LAMC3: variants seen among roughly 807,000 people sequenced by gnomAD.
LAMC3 encodes the protein laminin subunit gamma-3.
In LAMC3, 128 loss-of-function variants were observed where a neutral mutation model predicts 173.8. The observed-to-expected ratio is 0.74, with a 90% CI of 0.64 to 0.85. LAMC3 has a LOEUF of 0.85. Among genes scored for constraint, LAMC3 ranks in the 40% least tolerant of loss-of-function variants. The pLI is 0.00. For missense variants in LAMC3, 2,022 were observed against 2,156.0 expected (o/e 0.94, Z 1.23); for synonymous variants, 897 against 909.1 (o/e 0.99, Z 0.24).
intron 12 of LAMC3, among the ~76,000 whole-genome samples, chr9:131,059,456 C>T (rs1162981658): frequency 1.4e-5 from 2 of 144,432 alleles, no homozygotes; most frequent in African/African-American, 2.6e-5. Flanking sequence ...CGCGCCACTG[C>T]ACTCCAGCCT....
chr9:131,094,312 G>A lies in LAMC3; in HGVS notation c.*2525G>A, dbSNP rs1830469579. The stretch of plus-strand genomic sequence containing the variant: ...TGAAGTCCCACCAACCCCCGTTCAG[G>A]ATAATGAGGATCTCTGGATCTAAGG... On this transcript the variant is annotated 3_prime_UTR_variant, in exon 28 of 28. Transcript: ENST00000361069. The A allele has an allele frequency of 6.6e-6, 1 of 152,242 alleles. No homozygotes were observed. 9.4% of individuals were successfully genotyped at this position (152,242 alleles called of 1,614,324 possible).
rs1833795497 is a variant in LAMC3, at chr9:131,029,935, T to A, written c.679-2110T>A. Among the ~76,000 whole-genome samples, 1 of 147,862 alleles carries A rather than the reference T, an allele frequency of 6.8e-6. No homozygotes were observed. Among genetic ancestry groups the A allele is most frequent in the Admixed American group, 6.9e-5 (1 of 14,560 alleles). On this transcript the variant is annotated intron_variant, in intron 2 of 27. Transcript: ENST00000361069. This position sits in a 1 kb window ranked among gnomAD's most constrained non-coding sequence, Gnocchi z 4.6. ...TGCCTGGGTTCAGTGGGGATTGCCC[T>A]AAAATGACTTTTTTTTTTTTTTTTT...
At chr9:131,052,807 C>T (rs902585258) in intron 10 of LAMC3, 43 bp from the exon 11 acceptor site, 6 of 1,325,540 alleles carry the variant, frequency 4.5e-6, no homozygotes, top group East Asian at 2.3e-5. Flanking sequence ...TGGTACCCCC[C>T]CACCCTATGT....
At chr9:131,040,185 T>C (rs1588146701) in intron 6 of LAMC3, among the ~76,000 whole-genome samples, 7 of 119,216 alleles carry the variant, frequency 5.9e-5, no homozygotes, top group Admixed American at 5.2e-4. Flanking sequence ...ACTATCTCTA[T>C]TTTTTTTTTT....
At chr9:131,017,608 C>G in intron 1 of LAMC3, among the ~76,000 whole-genome samples, 1 of 149,946 alleles carries the variant, frequency 6.7e-6, no homozygotes. Context: ...CGCCTGTAAT[C>G]CCAGCTACTT....
intron 12 of LAMC3, among the ~76,000 whole-genome samples, chr9:131,060,338 G>A (rs1052808927): frequency 7.9e-5 from 12 of 152,080 alleles, no homozygotes; most frequent in African/African-American, 2.4e-4. Context: ...GAGAGGTTTC[G>A]GAATACAAAA....
At chr9:131,043,675 C>A (rs1298695082) in intron 7 of LAMC3, among the ~76,000 whole-genome samples, 1 of 152,154 alleles carries the variant, frequency 6.6e-6, no homozygotes, top group African/African-American at 2.4e-5. Flanking sequence ...AGAGACAAAC[C>A]TTCCTTGCAG....
rs773028028 is a variant in LAMC3 at position 131,056,952 on chromosome 9, C to T, written c.1963C>T (p.Arg655Trp). ...AGGTCCAGTGTTCCTGACTGAGGTC[C>T]GGCTCACATCCGCCCGGCCAGGGCT... ...PAGPVFLTEV[R>W]LTSARPGLSP... is the part of the protein sequence containing the mutation. Residue 655 changes from arginine (R) to tryptophan (W), a missense_variant, in exon 12 of 28, where the codon CGG (arginine) becomes TGG (tryptophan). Arg to Trp is a moderately radical substitution (Grantham distance 101). Transcript: ENST00000361069. 2.2e-5 allele frequency: 36 copies of T among 1,613,092 alleles called. No individual in the cohort carries two copies. The highest frequency in any genetic ancestry group is 5.3e-5 in the African/African-American group (4 of 74,926).
In LAMC3 at chr9:131,031,083, C is replaced by T. The variant is rs966317257; in HGVS notation, c.679-962C>T. ...TCTGGCAGAGGCCCTGGGTCCCCGG[C>T]AGTAGCTCCGGTTGCCGAGCTCTCG... On this transcript the variant is annotated intron_variant, in intron 2 of 27. Transcript: ENST00000361069. 3.7e-4 allele frequency among the ~76,000 whole-genome samples: 56 copies of T among 152,382 alleles called. 1 individual carries two copies. The highest frequency in any genetic ancestry group is 1.6e-4 in the Non-Finnish European group (11 of 68,030).
intron 23 of LAMC3, among the ~76,000 whole-genome samples, chr9:131,080,921 C>T (rs980661690): frequency 3.9e-5 from 6 of 152,154 alleles, no homozygotes; most frequent in Non-Finnish European, 7.4e-5. Context: ...GTTACAGTGA[C>T]ATTCACGTGG....
chr9:131,036,405 A>C, intron 4 of LAMC3, 73 bp downstream of exon 4: 16 of 1,547,248 alleles, frequency 1.0e-5, no homozygotes, highest in Non-Finnish European at 1.4e-5. Flanking sequence ...AACTCCCCAA[A>C]ACGTCGTGGT....
chr9:131,075,419 A>G (rs920577871), intron 20 of LAMC3, among the ~76,000 whole-genome samples: 1 of 151,892 alleles, frequency 6.6e-6, no homozygotes, highest in Non-Finnish European at 1.5e-5. Context: ...ACTAAAATAC[A>G]AAAATTAACT....
chr9:131,074,363 G>T (rs533216870), intron 20 of LAMC3, among the ~76,000 whole-genome samples: 55 of 151,804 alleles, frequency 3.6e-4, no homozygotes, highest in African/African-American at 1.3e-3. Context: ...TCCGTCTTCT[G>T]TTAACAGACA....
In LAMC3 at chr9:131,068,933, C is replaced by T. The variant is rs1829991127; in HGVS notation, c.2773C>T (p.Gln925Ter). 1 of 1,614,066 alleles carries T rather than the reference C, an allele frequency of 6.2e-7. No individual in the cohort carries two copies. The highest frequency in any genetic ancestry group is 1.1e-5 in the South Asian group (1 of 91,078). Reference protein sequence around the residue: ...RSCKCHPLGSQEDQCHPKTGQ... With the variant: ...RSCKCHPLGS ...CTGCAAGTGTCACCCACTGGGCTCC[C>T]AGGAGGACCAGTGCCATCCCAAGAC... is the stretch of plus-strand genomic sequence containing the variant. The change falls in exon 16 of 28, where the codon CAG becomes TAG. Residue 925 changes from glutamine to a stop codon, truncating the protein, a stop_gained. Coordinates refer to ENST00000361069, the MANE Select transcript of LAMC3 (RefSeq NM_006059.4). LOFTEE classifies it high-confidence loss of function.
intron 19 of LAMC3, 134 bp from the exon 20 acceptor site, chr9:131,073,111 C>T (rs1347388177): frequency 1.3e-5 from 10 of 766,662 alleles, no homozygotes; most frequent in Non-Finnish European, 1.8e-5. Context: ...CACTGAATGC[C>T]GATGTTGTGG....
chr9:131,090,252 C>T (rs752485630), intron 27 of LAMC3, among the ~76,000 whole-genome samples: 1 of 152,234 alleles, frequency 6.6e-6, no homozygotes, highest in Non-Finnish European at 1.5e-5. Context: ...TTCAACCATT[C>T]CTGCATTGTC....
chr9:131,035,904 C>T (rs1409384768), intron 3 of LAMC3, among the ~76,000 whole-genome samples: 1 of 152,196 alleles, frequency 6.6e-6, no homozygotes, highest in Non-Finnish European at 1.5e-5. Context: ...TGGGCAGCTT[C>T]TCTGTGCCTC....
rs1269080748 is a variant in LAMC3, at chr9:131,061,193, G to T, written c.2317G>T (p.Val773Leu). Reference sequence around the variant, plus strand: ...GACCATCCCAGAGAGCCGGGAGGTGGTGTGTACCCACTGCCCCCCGGGCCA... The same window carrying T: ...GACCATCCCAGAGAGCCGGGAGGTGTTGTGTACCCACTGCCCCCCGGGCCA... ...CTTIPESREV[V>L]CTHCPPGQRG... The change falls in exon 13 of 28, where the codon GTG becomes TTG. Residue 773 changes from valine to leucine, a missense_variant. Physicochemically the swap from Val to Leu is conservative, Grantham distance 32 (BLOSUM62 1). Coordinates refer to ENST00000361069, the MANE Select transcript of LAMC3 (RefSeq NM_006059.4). 6 of 1,609,650 alleles carry T rather than the reference G, an allele frequency of 3.7e-6. No homozygotes were observed. The highest frequency in any genetic ancestry group is 5.1e-6 in the Non-Finnish European group (6 of 1,179,828).
chr9:131,076,312 T>C (rs1830125464), intron 21 of LAMC3, among the ~76,000 whole-genome samples: 1 of 151,992 alleles, frequency 6.6e-6, no homozygotes, highest in African/African-American at 2.4e-5. Flanking sequence ...TCTGAGCTCC[T>C]CTGAGGCACC....
Sources: allele counts gnomAD v4.1 joint callset (sites outside exome capture counted in the v4.1 genomes callset), GRCh38; gene constraint gnomAD v4.1.1; non-coding constraint Gnocchi (gnomAD v3.1); transcripts MANE v1.5; gene names NCBI Gene and HGNC (gene_info 2026-07-23, HGNC 2026-07-21).